The following PCDHA8 variants were observed in gnomAD, a reference collection of about 807,000 sequenced individuals.
The protein encoded by PCDHA8 is protocadherin alpha 8, also known as protocadherin alpha-8.
PCDHA8 carries 53 observed loss-of-function variants against 61.8 expected under a neutral mutation model. That is an observed-to-expected ratio of 0.86 (90% CI 0.69 to 1.08). The LOEUF (loss-of-function observed/expected upper bound fraction) is 1.08. Ranked by LOEUF, PCDHA8 falls within the 50% of genes least tolerant of loss-of-function variation. The pLI, the probability that PCDHA8 is intolerant of heterozygous loss-of-function variation, is 0.00. For missense variants in PCDHA8, 1,293 were observed against 1,245.0 expected, an observed-to-expected ratio of 1.04 and a Z score of -0.58; for synonymous variants, 618 against 556.6, an observed-to-expected ratio of 1.11 and a Z score of -1.55.
chr5:141,000,185 G>A (rs1434179793), intron 3 of PCDHA8, among the ~76,000 whole-genome samples: 1 of 151,896 alleles, frequency 6.6e-6, no homozygotes, highest in African/African-American at 2.4e-5. Flanking sequence ...AGGAGTCAAT[G>A]TGAGAATAGT....
intron 1 of PCDHA8, among the ~76,000 whole-genome samples, chr5:140,898,963 G>A (rs1411271866): frequency 6.6e-6 from 1 of 152,070 alleles, no homozygotes; most frequent in Non-Finnish European, 1.5e-5. Context: ...TTGTGAATGG[G>A]AGTTCACTCA....
rs2150428040 is a variant in PCDHA8, at chr5:140,848,992, C to T, written c.2394+5277C>T. On this transcript the variant is annotated intron_variant, in intron 1 of 3. Coordinates refer to ENST00000531613, the MANE Select transcript of PCDHA8 (RefSeq NM_018911.3). ...TCCGATGCAGATATCGGGGAGAACG[C>T]CCTGCTCACTTACAGACTGAGCCCC... is the stretch of plus-strand genomic sequence containing the variant. The T allele has an allele frequency of 2.5e-6, 4 of 1,597,000 alleles. No individual in the cohort carries two copies. In the African/African-American group the frequency reaches 4.1e-5, roughly 16 times the overall value.
In PCDHA8 at chr5:140,978,986, C is replaced by T. The variant is rs138901709; in HGVS notation, c.2432C>T (p.Ser811Phe). The change falls in exon 2 of 4, where the codon TCC (serine) becomes TTC (phenylalanine). Residue 811 changes from serine (S) to phenylalanine (F), a missense_variant. Physicochemically the swap from Ser to Phe is radical, Grantham distance 155. Transcript: ENST00000531613. ...AACCCTGACTGGCGTTACTCTGCCT[C>T]CCTGAGAGCAGGCATGCACAGGTAT... Reference protein sequence around the residue: ...QPNPDWRYSASLRAGMHSSVH... With the variant: ...QPNPDWRYSAFLRAGMHSSVH... 56 of 1,614,072 alleles carry T rather than the reference C, an allele frequency of 3.5e-5. No individual in the cohort carries two copies. The highest frequency in any genetic ancestry group is 4.5e-5 in the Non-Finnish European group (53 of 1,180,028).
intron 1 of PCDHA8, chr5:140,876,574 G>A (rs1554168680): frequency 1.9e-6 from 3 of 1,614,158 alleles, no homozygotes; most frequent in Non-Finnish European, 2.5e-6. Flanking sequence ...GGTGGGTACC[G>A]TCATTGCCCT....
intron 1 of PCDHA8, chr5:140,966,878 G>A (rs2096064555): frequency 6.3e-7 from 1 of 1,587,174 alleles, no homozygotes; most frequent in African/African-American, 1.3e-5. Flanking sequence ...GCTGCTACCT[G>A]GCCCTGCGGC....
chr5:140,972,280 T>C (rs1210047183), intron 1 of PCDHA8, among the ~76,000 whole-genome samples: 1 of 151,092 alleles, frequency 6.6e-6, no homozygotes, highest in South Asian at 2.1e-4. Context: ...GCTTGGACCA[T>C]AGATGTGCGC....
At chr5:140,879,141 G>T (rs1413837977) in intron 1 of PCDHA8, among the ~76,000 whole-genome samples, 1 of 152,192 alleles carries the variant, frequency 6.6e-6, no homozygotes, top group Non-Finnish European at 1.5e-5. Flanking sequence ...GATTGTGAAG[G>T]CAGGAAAGCT....
chr5:140,876,165 C>T (rs782073467), intron 1 of PCDHA8: 4 of 1,613,944 alleles, frequency 2.5e-6, no homozygotes, highest in Admixed American at 1.7e-5. Flanking sequence ...TTCAAATAAC[C>T]GTCCTGGATG....
intron 1 of PCDHA8, among the ~76,000 whole-genome samples, chr5:140,916,064 T>G (rs1282899200): frequency 1.3e-5 from 2 of 152,156 alleles, no homozygotes; most frequent in African/African-American, 4.8e-5. Flanking sequence ...CCTCTCCCTG[T>G]GGCCAGTACT....
At chr5:140,927,063 C>G in intron 1 of PCDHA8, 1 of 1,611,332 alleles carries the variant, frequency 6.2e-7, no homozygotes. Context: ...ACTTTCGCTT[C>G]CTTTCCAGCC....
At chr5:140,869,951 CAATT>C (rs1554163647) in intron 1 of PCDHA8, 4 of 1,611,984 alleles carry the variant, frequency 2.5e-6, no homozygotes, top group Non-Finnish European at 3.4e-6. Flanking sequence ...TCCTTAATGT[CAATT>C]AAGCCCAATG....
In PCDHA8 at chr5:140,870,787, C is replaced by T. The variant is rs782200395; in HGVS notation, c.2394+27072C>T. On this transcript the variant is annotated intron_variant, in intron 1 of 3. Transcript: ENST00000531613. ...CGTGCTGGACGAGAACGACAACGCG[C>T]CGGCACTGCTGGCGACTCAGGCTGG... 6.2e-7 allele frequency: 1 copy of T among 1,613,638 alleles called. No homozygotes were observed. Among genetic ancestry groups the T allele is most frequent in the Admixed American group, 1.7e-5 (1 of 60,028 alleles).
intron 1 of PCDHA8, among the ~76,000 whole-genome samples, chr5:140,890,662 C>G (rs75284753): frequency 3.3e-5 from 5 of 152,136 alleles, no homozygotes; most frequent in South Asian, 2.1e-4. Flanking sequence ...CAAAAGTTAA[C>G]TGAAACCCTT....
At chr5:140,904,107 T>A (rs1214453471) in intron 1 of PCDHA8, among the ~76,000 whole-genome samples, 3 of 152,216 alleles carry the variant, frequency 2.0e-5, no homozygotes, top group Non-Finnish European at 4.4e-5. Context: ...TAGTGGTCAT[T>A]GCTGAGATTT....
At chr5:140,976,007 A>G (rs546477565) in intron 1 of PCDHA8, among the ~76,000 whole-genome samples, 55 of 152,354 alleles carry the variant, frequency 3.6e-4, no homozygotes, top group African/African-American at 1.3e-3. Flanking sequence ...TAAGTATTAA[A>G]GAACTAAATA....
In PCDHA8 at chr5:140,882,102, C is replaced by A. The variant is rs2058951166; in HGVS notation, c.2394+38387C>A. 1.4e-5 allele frequency: 18 copies of A among 1,308,166 alleles called. No individual in the cohort carries two copies. In the South Asian group the frequency reaches 2.1e-4, roughly 16 times the overall value. 81.0% of individuals were successfully genotyped at this position (1,308,166 alleles called of 1,614,324 possible). On this transcript the variant is annotated intron_variant, in intron 1 of 3. Transcript: ENST00000531613. ...TCGCTCTTCACTGAGAACGTTTCCG[C>A]GAAGAAAGCCGCCGTTTCTTTCTTC...
intron 1 of PCDHA8, among the ~76,000 whole-genome samples, chr5:140,923,505 G>C (rs1281972725): frequency 6.6e-6 from 1 of 152,118 alleles, no homozygotes; most frequent in East Asian, 1.9e-4. Context: ...CTCCAGCCTG[G>C]ATGATGAAGT....
intron 1 of PCDHA8, among the ~76,000 whole-genome samples, chr5:140,932,569 C>T (rs58622542): frequency 0.013 from 2,018 of 151,826 alleles, 38 homozygotes; most frequent in African/African-American, 0.046. Flanking sequence ...GTAGACTTTC[C>T]CATAGGGTAA....
chr5:140,953,641 G>A (rs246029), intron 1 of PCDHA8, among the ~76,000 whole-genome samples: 85,647 of 151,972 alleles, frequency 0.56, 24,761 homozygotes, highest in African/African-American at 0.69. Context: ...TTTTGGCCAG[G>A]AGCTATAGTT....
Sources: gnomAD v4.1 joint callset for allele counts (sites outside exome capture counted in the v4.1 genomes callset) on GRCh38, gnomAD v4.1.1 for gene constraint, MANE v1.5 for transcripts, NCBI Gene and HGNC (gene_info 2026-07-23, HGNC 2026-07-21) for gene names.